Variants in ABCA10 observed in about 807,000 individuals in gnomAD.
ABCA10 encodes ATP binding cassette subfamily A member 10, also known as ATP-binding cassette sub-family A member 10.
A neutral mutation model predicts 187.5 loss-of-function variants in ABCA10; 169 were observed. The ratio of observed to expected loss-of-function variants is 0.90; its 90% CI spans 0.80 to 1.02. ABCA10 has a LOEUF of 1.02. Ranked by LOEUF, ABCA10 falls within the 50% of genes least tolerant of loss-of-function variation. The pLI is 0.00. For synonymous variants in ABCA10, 574 were observed against 601.8 expected (o/e 0.95, Z 0.68); for missense variants, 1,727 against 1,812.4 (o/e 0.95, Z 0.86).
chr17:69,213,700 T>C (rs1314043444), intron 9 of ABCA10, among the ~76,000 whole-genome samples: 4 of 152,174 alleles, frequency 2.6e-5, no homozygotes, highest in Admixed American at 1.3e-4. Context: ...GCCCTCCCCA[T>C]CTGCCCACAC....
At chr17:69,222,503 A>T in intron 4 of ABCA10, 30 bp downstream of exon 4, 1 of 1,492,408 alleles carries the variant, frequency 6.7e-7, no homozygotes, top group Non-Finnish European at 8.9e-7. Context: ...AGTATCAAAA[A>T]AAAATTATAA....
At chr17:69,159,705 A>G (rs966873706) in intron 27 of ABCA10, among the ~76,000 whole-genome samples, 1 of 152,162 alleles carries the variant, frequency 6.6e-6, no homozygotes, top group African/African-American at 2.4e-5. Context: ...AAATAAAATC[A>G]TTCCCAAGTT....
At chr17:69,153,232 C>T (rs2074143714) in intron 34 of ABCA10, 73 bp downstream of exon 34, 2 of 1,512,790 alleles carry the variant, frequency 1.3e-6, no homozygotes, top group African/African-American at 1.4e-5. Flanking sequence ...AACAAAGAAA[C>T]AAAACAAAAA....
intron 22 of ABCA10, among the ~76,000 whole-genome samples, chr17:69,181,190 C>A (rs1455479359): frequency 6.6e-6 from 1 of 152,042 alleles, no homozygotes; most frequent in Non-Finnish European, 1.5e-5. Context: ...CATTAATCAG[C>A]GTATATGTCT....
At chr17:69,181,985 C>A (rs143548595) in intron 22 of ABCA10, among the ~76,000 whole-genome samples, 168 bp downstream of exon 22, 2 of 151,906 alleles carry the variant, frequency 1.3e-5, no homozygotes, top group South Asian at 4.1e-4. Context: ...AAAGTAGGTA[C>A]TATTACGCTC....
intron 9 of ABCA10, among the ~76,000 whole-genome samples, chr17:69,208,159 T>A (rs2074605584): frequency 6.6e-6 from 1 of 152,068 alleles, no homozygotes; most frequent in Admixed American, 6.6e-5. Context: ...GGCTCACGCC[T>A]GTAATCCCAG....
intron 3 of ABCA10, among the ~76,000 whole-genome samples, chr17:69,223,153 T>C (rs2074763754): frequency 6.6e-6 from 1 of 152,168 alleles, no homozygotes; most frequent in Non-Finnish European, 1.5e-5. Flanking sequence ...TCAACTTTTT[T>C]TAAAGTAGAT....
rs972176008 is a variant in ABCA10, at chr17:69,193,239, G to A, written c.1651C>T (p.Leu551=). 12 of 1,612,912 alleles carry A rather than the reference G, an allele frequency of 7.4e-6. No homozygotes were observed. The Admixed American group carries it at 1.2e-4, about 16-fold the overall frequency. The change falls in exon 15 of 39, where the codon CTA becomes TTA. Residue 551 remains leucine, a synonymous_variant. Coordinates refer to ENST00000690296, the MANE Select transcript of ABCA10 (RefSeq NM_001377321.1). ...TCCAATCCAGCAGTTGGTTCATCTA[G>A]CAGCAAAACCTACAGAGGAGGAAAC... The part of the protein sequence containing the change: ...AILGDPQVLL[L]DEPTAGLDPF...
rs1218191830 is a variant in ABCA10 at position 69,150,042 on chromosome 17, A to G, written c.4419T>C (p.Tyr1473=). Residue 1473 remains tyrosine (Y), a synonymous_variant, in exon 37 of 39, where the codon TAT becomes TAC. Coordinates refer to ENST00000690296, the MANE Select transcript of ABCA10 (RefSeq NM_001377321.1). The stretch of plus-strand genomic sequence containing the variant: ...GGTGGACATCCTCCACAGGTAACTT[A>G]TACGCCATTAAAGAGGAATATCTGT... ...WQERYSSLMA[Y]KLPVEDVHPL... is the part of the protein sequence containing the mutation. 1 of 1,612,954 alleles carries G rather than the reference A, an allele frequency of 6.2e-7. No individual in the cohort carries two copies. The highest frequency in any genetic ancestry group is 1.1e-5 in the South Asian group (1 of 90,928).
intron 20 of ABCA10, 136 bp downstream of exon 20, chr17:69,185,341 C>A: frequency 2.6e-6 from 2 of 778,836 alleles, no homozygotes; most frequent in Non-Finnish European, 3.7e-6. Context: ...AGAAAATTAA[C>A]CCATCAGTTT....
At chr17:69,192,264 C>T (rs559161866) in intron 16 of ABCA10, among the ~76,000 whole-genome samples, 8 of 152,280 alleles carry the variant, frequency 5.3e-5, no homozygotes, top group African/African-American at 1.7e-4. Flanking sequence ...TTGGAGGTTG[C>T]AGCCACTGCA....
At chr17:69,220,520 G>T (rs1237125497) in intron 5 of ABCA10, among the ~76,000 whole-genome samples, 1 of 152,134 alleles carries the variant, frequency 6.6e-6, no homozygotes, top group African/African-American at 2.4e-5. Context: ...GTGAGACAGA[G>T]AAAATTTTCT....
rs2074136864 is a variant in ABCA10 at position 69,152,441 on chromosome 17, T to C, written c.4177A>G (p.Thr1393Ala). The C allele has an allele frequency of 2.5e-6, 4 of 1,613,816 alleles. No homozygotes were observed. The highest frequency in any genetic ancestry group is 3.4e-6 in the Non-Finnish European group (4 of 1,179,848). The change falls in exon 35 of 39, where the codon ACC becomes GCC. Residue 1393 changes from threonine to alanine, a missense_variant. Coordinates refer to ENST00000690296, the MANE Select transcript of ABCA10 (RefSeq NM_001377321.1). ...QATVKNKERG[T>A]LLTTHYMSEA... is the part of the protein sequence containing the mutation. ...GACATGTAATGGGTGGTCAAGAGGG[T>C]GCCCCTCTCCTTGTTTTTAACGGTA... is the stretch of plus-strand genomic sequence containing the variant.
At chr17:69,204,522 A>G (rs761365709) in intron 9 of ABCA10, among the ~76,000 whole-genome samples, 30 of 152,044 alleles carry the variant, frequency 2.0e-4, no homozygotes, top group Admixed American at 1.4e-3. Flanking sequence ...TAATTTGACA[A>G]CCCTAGAACT....
intron 1 of ABCA10, among the ~76,000 whole-genome samples, chr17:69,240,054 G>T (rs1439761819): frequency 1.3e-5 from 2 of 152,102 alleles, no homozygotes; most frequent in Non-Finnish European, 1.5e-5. Context: ...TGGGATTCTT[G>T]CCAGGACATT....
chr17:69,191,401 A>T, intron 16 of ABCA10, 86 bp from the exon 17 acceptor site: 1 of 1,312,276 alleles, frequency 7.6e-7, no homozygotes, highest in South Asian at 2.3e-5. Context: ...TAAACAGCTT[A>T]TATGTATTAC....
At chr17:69,192,683 T>C (rs370438782) in intron 15 of ABCA10, 30 bp from the exon 16 acceptor site, 36 of 1,551,270 alleles carry the variant, frequency 2.3e-5, no homozygotes, top group African/African-American at 1.9e-4. Context: ...CAAAAAATTA[T>C]GTGAAGAGTA....
At chr17:69,172,135 A>C (rs969515795) in intron 25 of ABCA10, among the ~76,000 whole-genome samples, 8 of 152,132 alleles carry the variant, frequency 5.3e-5, no homozygotes, top group African/African-American at 7.2e-5. Flanking sequence ...TAGGGTAAGA[A>C]ATTATTAATA....
intron 1 of ABCA10, among the ~76,000 whole-genome samples, chr17:69,237,013 CA>C (rs1330597289): frequency 6.6e-6 from 1 of 152,160 alleles, no homozygotes; most frequent in Non-Finnish European, 1.5e-5. Context: ...GAGGAAATGG[CA>C]AAAGTTATTA....
Sources: gnomAD v4.1 joint callset for allele counts (sites outside exome capture counted in the v4.1 genomes callset) on GRCh38, gnomAD v4.1.1 for gene constraint, MANE v1.5 for transcripts, NCBI Gene and HGNC (gene_info 2026-07-23, HGNC 2026-07-21) for gene names.